The following CASQ1 variants were observed in gnomAD, a reference collection of about 807,000 sequenced individuals.
CASQ1 encodes the protein calsequestrin-1.
A neutral mutation model predicts 49.5 loss-of-function variants in CASQ1; 40 were observed. That is an observed-to-expected ratio of 0.81 (90% CI 0.63 to 1.05). CASQ1 has a LOEUF of 1.05. Ranked by LOEUF, CASQ1 falls within the 50% of genes least tolerant of loss-of-function variation. The pLI is 0.00. For synonymous variants in CASQ1, 174 were observed against 187.2 expected (o/e 0.93, Z 0.58); for missense variants, 469 against 486.9 (o/e 0.96, Z 0.35).
chr1:160,191,071 C>T (rs1327380680), intron 1 of CASQ1, 41 bp downstream of exon 1: 4 of 1,598,428 alleles, frequency 2.5e-6, no homozygotes, highest in African/African-American at 2.7e-5. Flanking sequence ...CATGTCTAGC[C>T]CCTCTCCGGA....
In CASQ1 at chr1:160,201,301, G is replaced by A. The variant is rs1169265732; in HGVS notation, c.1116G>A (p.Glu372=). Residue 372 remains glutamate (E), a synonymous_variant, in exon 11 of 11, where the codon GAG becomes GAA. Coordinates refer to ENST00000368078, the MANE Select transcript of CASQ1 (RefSeq NM_001231.5). ...DDEEDLPSAE[E]LEDWLEDVLE... is the part of the protein sequence containing the mutation. ...AGGAGGACCTGCCTTCTGCTGAGGAGCTGGAGGACTGGCTGGAGGATGTCC... is the reference window on the plus strand; with the variant it reads ...AGGAGGACCTGCCTTCTGCTGAGGAACTGGAGGACTGGCTGGAGGATGTCC... 1.2e-6 allele frequency: 2 copies of A among 1,613,668 alleles called. No homozygotes were observed. The highest frequency in any genetic ancestry group is 1.7e-6 in the Non-Finnish European group (2 of 1,179,842).
intron 5 of CASQ1, 85 bp from the exon 6 acceptor site, chr1:160,195,812 C>T: frequency 7.0e-7 from 1 of 1,420,838 alleles, no homozygotes. Context: ...TGACTCCCTT[C>T]CTAATATTTG....
chr1:160,194,327 C>T (rs111162330), intron 3 of CASQ1, among the ~76,000 whole-genome samples: 1,594 of 150,280 alleles, frequency 0.011, 31 homozygotes, highest in African/African-American at 0.037. Context: ...CACATGTACA[C>T]ACACACTACA....
In CASQ1 at chr1:160,198,700, C is replaced by T. The variant is rs772242868; in HGVS notation, c.852C>T (p.His284=). 8 of 1,613,812 alleles carry T rather than the reference C, an allele frequency of 5.0e-6. No individual in the cohort carries two copies. Among genetic ancestry groups the T allele is most frequent in the Non-Finnish European group, 6.8e-6 (8 of 1,179,728 alleles). ...AGGAGGATGATATGGATGGAATCCA[C>T]ATTGTGGCCTTCGCAGAGGAAGCTG... is the stretch of plus-strand genomic sequence containing the variant. ...ETWEDDMDGI[H]IVAFAEEADP... Residue 284 remains histidine, a synonymous_variant, in exon 8 of 11, where the codon CAC becomes CAT. Coordinates refer to ENST00000368078, the MANE Select transcript of CASQ1 (RefSeq NM_001231.5).
rs1393446786 is a variant in CASQ1, at chr1:160,196,032, G to C, written c.782+5G>C. On this transcript the variant is annotated splice_donor_5th_base_variant and intron_variant, in intron 6 of 10. Transcript: ENST00000368078. ...CTTCGTGGAGGAGCACAGGAGGTGG[G>C]GACCAAGGGCAACCCTCTCAGCGGG... 6.2e-7 allele frequency: 1 copy of C among 1,613,506 alleles called. No individual in the cohort carries two copies. The highest frequency in any genetic ancestry group is 8.5e-7 in the Non-Finnish European group (1 of 1,179,696).
rs140253806 is a variant in CASQ1 at position 160,190,881 on chromosome 1, G to C, written c.130G>C (p.Asp44His). 6.2e-7 allele frequency: 1 copy of C among 1,614,204 alleles called. No individual in the cohort carries two copies. Among genetic ancestry groups the C allele is most frequent in the Non-Finnish European group, 8.5e-7 (1 of 1,180,026 alleles). ...GQEGLDFPEY[D>H]GVDRVINVNA... ...GGAAGGGCTGGACTTCCCTGAGTAC[G>C]ATGGTGTGGACCGTGTGATCAATGT... The change falls in exon 1 of 11, where the codon GAT becomes CAT. Residue 44 changes from aspartate to histidine, a missense_variant. Coordinates refer to ENST00000368078, the MANE Select transcript of CASQ1 (RefSeq NM_001231.5).
intron 1 of CASQ1, 160 bp from the exon 2 acceptor site, chr1:160,192,642 G>T (rs1654103147): frequency 1.5e-6 from 1 of 662,900 alleles, no homozygotes; most frequent in Admixed American, 2.4e-5. Flanking sequence ...GAACTGTGTG[G>T]CTGTAGGGAA....
chr1:160,197,454 G>T lies in CASQ1; in HGVS notation c.783-115G>T, dbSNP rs180798582. ...GCCTTGCCAGATGGCTTTGTTGTAGGCTACAAGCTGTCTGTGCCCTGGGCC... is the reference window on the plus strand; with the variant it reads ...GCCTTGCCAGATGGCTTTGTTGTAGTCTACAAGCTGTCTGTGCCCTGGGCC... On this transcript the variant is annotated intron_variant, in intron 6 of 10. Coordinates refer to ENST00000368078, the MANE Select transcript of CASQ1 (RefSeq NM_001231.5). 3 of 775,518 alleles carry T rather than the reference G, an allele frequency of 3.9e-6. No individual in the cohort carries two copies. In the Admixed American group the frequency reaches 5.5e-5, roughly 14 times the overall value. The allele number at this position is 775,518 out of a possible 1,614,324, so 48.0% of individuals were successfully genotyped here.
intron 6 of CASQ1, 128 bp downstream of exon 6, chr1:160,196,155 G>T: frequency 1.2e-6 from 1 of 807,458 alleles, no homozygotes. Flanking sequence ...AATACACTTT[G>T]GGCACCAGTG....
chr1:160,200,293 G>T (rs188604084), intron 10 of CASQ1, among the ~76,000 whole-genome samples: 1 of 152,218 alleles, frequency 6.6e-6, no homozygotes, highest in East Asian at 1.9e-4. Flanking sequence ...GCTTGTTCAG[G>T]GCAGAAGTCT....
chr1:160,194,201 T>G (rs1345669974), intron 3 of CASQ1, among the ~76,000 whole-genome samples: 2 of 135,164 alleles, frequency 1.5e-5, no homozygotes, highest in African/African-American at 2.9e-5. Context: ...ACACACCACA[T>G]GCACACCACA....
chr1:160,192,946 C>A (rs1422712588), intron 2 of CASQ1, 60 bp downstream of exon 2: 27 of 1,378,858 alleles, frequency 2.0e-5, no homozygotes, highest in Non-Finnish European at 2.8e-5. Flanking sequence ...AGGCTTAGGG[C>A]GGAGGACCTG....
intron 9 of CASQ1, 135 bp from the exon 10 acceptor site, chr1:160,199,716 C>G: frequency 1.5e-6 from 1 of 670,220 alleles, no homozygotes; most frequent in East Asian, 2.7e-5. Context: ...GATGCCCTCA[C>G]AGGTGGACCT....
rs979091500 is a variant in CASQ1 at position 160,192,856 on chromosome 1, G to A, written c.334G>A (p.Glu112Lys). ...KGVGFGLVDS[E>K]KDAAVAKKLG... ...TGTTGGCTTCGGGCTGGTAGACTCT[G>A]AGAAGGATGCAGCTGTGGCCAAGAA... The change falls in exon 2 of 11, where the codon GAG becomes AAG. Residue 112 changes from glutamate to lysine, a missense_variant. Transcript: ENST00000368078. 1.9e-6 allele frequency: 3 copies of A among 1,614,050 alleles called. No individual in the cohort carries two copies. Among genetic ancestry groups the A allele is most frequent in the Admixed American group, 1.7e-5 (1 of 60,008 alleles).
In CASQ1 at chr1:160,190,965, C is replaced by T. The variant is rs779793705; in HGVS notation, c.214C>T (p.His72Tyr). The part of the protein sequence containing the change: ...KKYEVLALLY[H>Y]EPPEDDKASQ... ...GTATGAGGTGCTGGCACTCCTCTAC[C>T]ATGAACCCCCCGAGGATGACAAGGC... Residue 72 changes from histidine to tyrosine, a missense_variant, in exon 1 of 11, where the codon CAT becomes TAT. By Grantham distance (83) the His-to-Tyr change is moderately conservative. Transcript: ENST00000368078. 6.2e-7 allele frequency: 1 copy of T among 1,614,148 alleles called. No individual in the cohort carries two copies. The highest frequency in any genetic ancestry group is 1.1e-5 in the South Asian group (1 of 91,078).
Position 160,201,379 on chromosome 1 carries a change from G to T in CASQ1, c.*3G>T. 1 of 1,613,722 alleles carries T rather than the reference G, an allele frequency of 6.2e-7. No homozygotes were observed. The highest frequency in any genetic ancestry group is 8.5e-7 in the Non-Finnish European group (1 of 1,179,840). ...ATGACGATGATGATGATGACTAGTT[G>T]CTATGGCAACCATCTTTCAGCCCCA... On this transcript the variant is annotated 3_prime_UTR_variant, in exon 11 of 11. Transcript: ENST00000368078.
intron 7 of CASQ1, among the ~76,000 whole-genome samples, chr1:160,198,020 GA>G (rs1557815960): frequency 6.6e-6 from 1 of 151,006 alleles, no homozygotes; most frequent in African/African-American, 2.4e-5. Context: ...CAAAAAAAAA[GA>G]AAAAAGAAAA....
Position 160,196,012 on chromosome 1 carries a change from T to A in CASQ1, c.767T>A (p.Val256Glu). The A allele has an allele frequency of 6.2e-7, 1 of 1,613,988 alleles. No homozygotes were observed. The highest frequency in any genetic ancestry group is 8.5e-7 in the Non-Finnish European group (1 of 1,179,946). ...PNSEEEIVNF[V>E]EEHRRSTLRK... Reference sequence around the variant, plus strand: ...AGCGAAGAGGAGATTGTCAACTTCGTGGAGGAGCACAGGAGGTGGGGACCA... The same window carrying A: ...AGCGAAGAGGAGATTGTCAACTTCGAGGAGGAGCACAGGAGGTGGGGACCA... Residue 256 changes from valine (V) to glutamate (E), a missense_variant, in exon 6 of 11, where the codon GTG becomes GAG. Coordinates refer to ENST00000368078, the MANE Select transcript of CASQ1 (RefSeq NM_001231.5).
At position 160,201,582 on chromosome 1, in the gene CASQ1, TC is replaced by T. The variant is rs1654377914; in HGVS notation, c.*207del. Reference sequence around the variant, plus strand: ...TTCCCTAGACACCAGGCCAGCTCTCTCTTATCTGACTTCTGTTTCTTATCCC... The same window carrying T: ...TTCCCTAGACACCAGGCCAGCTCTCTTTATCTGACTTCTGTTTCTTATCCC... On this transcript the variant is annotated 3_prime_UTR_variant, in exon 11 of 11. Transcript: ENST00000368078. 3.4e-6 allele frequency: 2 copies of T among 596,940 alleles called. No homozygotes were observed. Among genetic ancestry groups the T allele is most frequent in the African/African-American group, 3.7e-5 (2 of 53,940 alleles). 37.0% of individuals were successfully genotyped at this position (596,940 alleles called of 1,614,324 possible). A position where few individuals can be genotyped will look rare whatever the true frequency, so the allele number is the denominator to read the frequency against.
Sources: gnomAD v4.1 joint callset for allele counts (sites outside exome capture counted in the v4.1 genomes callset) on GRCh38, gnomAD v4.1.1 for gene constraint, MANE v1.5 for transcripts, NCBI Gene and HGNC (gene_info 2026-07-23, HGNC 2026-07-21) for gene names.